The following ALK variants were observed in gnomAD, a reference collection of about 807,000 sequenced individuals.
ALK encodes ALK receptor tyrosine kinase, also known as ALK tyrosine kinase receptor.
In ALK, 74 loss-of-function variants were observed where a neutral mutation model predicts 163.1. The ratio of observed to expected loss-of-function variants is 0.45; its 90% CI spans 0.38 to 0.55. The LOEUF (loss-of-function observed/expected upper bound fraction) is 0.55. Ranked by LOEUF, ALK falls within the 20% of genes least tolerant of loss-of-function variation. The probability of loss-of-function intolerance (pLI) is 0.00; values close to 1 mark genes in which losing one functional copy is unlikely to be tolerated. For synonymous variants in ALK, 960 were observed against 843.2 expected, an observed-to-expected ratio of 1.14 and a Z score of -2.40; for missense variants, 2,063 against 2,105.3, an observed-to-expected ratio of 0.98 and a Z score of 0.39.
intron 5 of ALK, among the ~76,000 whole-genome samples, chr2:29,352,636 T>C (rs1668147751): frequency 6.6e-6 from 1 of 152,322 alleles, no homozygotes; most frequent in African/African-American, 2.4e-5. Flanking sequence ...GATCAATCAG[T>C]GGTCAGTGAG....
At chr2:29,493,230 G>T (rs919389460) in intron 4 of ALK, among the ~76,000 whole-genome samples, 1 of 152,134 alleles carries the variant, frequency 6.6e-6, no homozygotes, top group African/African-American at 2.4e-5. Flanking sequence ...AGACTGGATG[G>T]CTATAGCCCA....
chr2:29,714,562 C>A (rs905990149), intron 2 of ALK, among the ~76,000 whole-genome samples: 1 of 152,144 alleles, frequency 6.6e-6, no homozygotes, highest in Non-Finnish European at 1.5e-5. Context: ...AGGACACCTG[C>A]GGTCAGGTTG....
chr2:29,326,585 A>G (rs951605361), intron 6 of ALK, among the ~76,000 whole-genome samples: 2 of 152,220 alleles, frequency 1.3e-5, no homozygotes, highest in Admixed American at 6.5e-5. Flanking sequence ...AGTGAGAACT[A>G]TACGAGAAAG....
intron 11 of ALK, among the ~76,000 whole-genome samples, chr2:29,252,602 G>T (rs1189783611): frequency 2.0e-5 from 3 of 152,202 alleles, no homozygotes; most frequent in Non-Finnish European, 4.4e-5. Context: ...TGCTGCCCTG[G>T]CCCAGAGGCT....
At chr2:29,245,080 C>T (rs1378365724) in intron 12 of ALK, among the ~76,000 whole-genome samples, 2 of 151,978 alleles carry the variant, frequency 1.3e-5, no homozygotes, top group Non-Finnish European at 1.5e-5. Flanking sequence ...TGGCTCACTG[C>T]CCTGCACACA....
At chr2:29,782,254 A>C (rs150363063) in intron 1 of ALK, among the ~76,000 whole-genome samples, 482 of 152,278 alleles carry the variant, frequency 3.2e-3, no homozygotes, top group Non-Finnish European at 5.7e-3. Context: ...AGGGAGCCAG[A>C]GGTGGATCAG....
intron 8 of ALK, among the ~76,000 whole-genome samples, chr2:29,314,855 C>G (rs1226782671): frequency 6.6e-6 from 1 of 152,050 alleles, no homozygotes; most frequent in African/African-American, 2.4e-5. Context: ...GGGGTGGTGT[C>G]AGCCGCCACT....
intron 4 of ALK, among the ~76,000 whole-genome samples, chr2:29,387,592 C>T (rs542334503): frequency 6.6e-6 from 1 of 152,250 alleles, no homozygotes; most frequent in African/African-American, 2.4e-5. Flanking sequence ...TAGCAAAATG[C>T]AGGCATTGAA....
At chr2:29,664,760 C>A (rs994687827) in intron 3 of ALK, among the ~76,000 whole-genome samples, 1 of 152,084 alleles carries the variant, frequency 6.6e-6, no homozygotes, top group African/African-American at 2.4e-5. Flanking sequence ...ACTACTGAAC[C>A]TTTACTCTGT....
intron 2 of ALK, among the ~76,000 whole-genome samples, chr2:29,697,804 C>A (rs185829919): frequency 1.3e-5 from 2 of 152,270 alleles, no homozygotes; most frequent in African/African-American, 4.8e-5. Context: ...TACTACTACC[C>A]CAATCTCCAA....
Position 29,383,749 on chromosome 2 carries a change from A to G in ALK, c.1265T>C (p.Leu422Pro), listed in dbSNP as rs2148301450. 1.2e-6 allele frequency: 2 copies of G among 1,614,156 alleles called. No homozygotes were observed. Among genetic ancestry groups the G allele is most frequent in the Non-Finnish European group, 1.7e-6 (2 of 1,179,996 alleles). Residue 422 changes from leucine to proline, a missense_variant, in exon 5 of 29, where the codon CTG (leucine) becomes CCG (proline). Coordinates refer to ENST00000389048, the MANE Select transcript of ALK (RefSeq NM_004304.5). ...TCAGATACCTTCACTGCAGTTCTTC[A>G]GGGCAAAGAAGTCCACTGCAGACAA... is the stretch of plus-strand genomic sequence containing the variant. ...RSLSAVDFFA[L>P]KNCSEGTSPG...
chr2:29,539,008 A>G (rs1028684889), intron 3 of ALK, among the ~76,000 whole-genome samples: 3 of 151,946 alleles, frequency 2.0e-5, no homozygotes, highest in Admixed American at 6.6e-5. Flanking sequence ...AGATGAGGCT[A>G]TTTAGTCTTC....
chr2:29,383,525 C>A (rs548227298), intron 5 of ALK, among the ~76,000 whole-genome samples: 1 of 152,264 alleles, frequency 6.6e-6, no homozygotes, highest in Admixed American at 6.5e-5. Context: ...CCATGTTGGC[C>A]AGGCTGGTCT....
intron 26 of ALK, among the ~76,000 whole-genome samples, chr2:29,205,498 G>T (rs551604761): frequency 3.9e-5 from 6 of 152,296 alleles, no homozygotes; most frequent in South Asian, 4.1e-4. Flanking sequence ...CTGAAGGCCG[G>T]ACATCTGAAA....
intron 9 of ALK, among the ~76,000 whole-genome samples, chr2:29,288,923 G>T (rs1338015424): frequency 7.2e-6 from 1 of 139,518 alleles, no homozygotes; most frequent in African/African-American, 2.6e-5. Flanking sequence ...CTGCACTCCA[G>T]CCTGGGCGAC....
At position 29,620,584 on chromosome 2, in the gene ALK, C is replaced by G. The variant is rs1044257744; in HGVS notation, c.952+74266G>C. On this transcript the variant is annotated intron_variant, in intron 3 of 28. Coordinates refer to ENST00000389048, the MANE Select transcript of ALK (RefSeq NM_004304.5). ...GAGTCGGGGCCCTGGATTCTAGACC[C>G]GGCTCTGCCATTCAGCAGCTGCATG... 4.5e-4 allele frequency among the ~76,000 whole-genome samples: 68 copies of G among 152,166 alleles called. 1 individual carries two copies. Among genetic ancestry groups the G allele is most frequent in the African/African-American group, 1.3e-3 (56 of 41,504 alleles).
chr2:29,615,099 T>G (rs1675803785), intron 3 of ALK, among the ~76,000 whole-genome samples: 1 of 152,190 alleles, frequency 6.6e-6, no homozygotes, highest in Non-Finnish European at 1.5e-5. Context: ...GCCTGCAGGC[T>G]TGAGCCACCG....
chr2:29,492,490 A>AATCAGGGAATC (rs1435920716), intron 4 of ALK, among the ~76,000 whole-genome samples: 1 of 152,176 alleles, frequency 6.6e-6, no homozygotes, highest in Admixed American at 6.5e-5. Context: ...TCAGGGCCTA[A>AATCAGGGAATC]AGGGTAGACT....
At chr2:29,339,146 G>A (rs1265006893) in intron 5 of ALK, among the ~76,000 whole-genome samples, 1 of 152,146 alleles carries the variant, frequency 6.6e-6, no homozygotes, top group Non-Finnish European at 1.5e-5. Flanking sequence ...GTGAGGCTGA[G>A]GCAGGAGAAT....
Sources: allele counts gnomAD v4.1 joint callset (sites outside exome capture counted in the v4.1 genomes callset), GRCh38; gene constraint gnomAD v4.1.1; transcripts MANE v1.5; gene names NCBI Gene and HGNC (gene_info 2026-07-23, HGNC 2026-07-21).